The following BUD23 variants were observed in gnomAD, a reference collection of about 807,000 sequenced individuals.
The protein encoded by BUD23 is BUD23 rRNA methyltransferase and ribosome maturation factor, also known as 18S rRNA (guanine-N(7))-methyltransferase.
Under a neutral mutation model 47.0 loss-of-function variants are expected in BUD23, and 34 were observed. The observed-to-expected ratio is 0.72, with a 90% CI of 0.55 to 0.96. BUD23 has a LOEUF of 0.96. Ranked by LOEUF, BUD23 falls within the 40% of genes least tolerant of loss-of-function variation. The probability of loss-of-function intolerance (pLI) is 0.00; values close to 1 mark genes in which losing one functional copy is unlikely to be tolerated. For synonymous variants in BUD23, 124 were observed against 132.0 expected (o/e 0.94, Z 0.41); for missense variants, 343 against 361.2 (o/e 0.95, Z 0.41).
chr7:73,692,729 AT>A (rs771662068), intron 7 of BUD23, 83 bp downstream of exon 7: 3 of 1,401,374 alleles, frequency 2.1e-6, no homozygotes, highest in Non-Finnish European at 3.0e-6. Flanking sequence ...AAAGAATCTT[AT>A]GCAGATTGGC....
chr7:73,697,561 A>T (rs782438990), intron 10 of BUD23, 44 bp from the exon 11 acceptor site: 1 of 1,613,124 alleles, frequency 6.2e-7, no homozygotes, highest in South Asian at 1.1e-5. Context: ...GGGCAGCCCC[A>T]TCCATCAGCT....
At position 73,697,622 on chromosome 7, in the gene BUD23, C is replaced by G. The variant is rs143474628; in HGVS notation, c.719C>G (p.Ser240Trp). The part of the protein sequence containing the change: ...FTNERFPLRM[S>W]RRGMVRKSRA... Reference sequence around the variant, plus strand: ...CGCCACAGGTTCCCATTAAGGATGTCGAGGCGGGGAATGGTGAGGAAGAGT... The same window carrying G: ...CGCCACAGGTTCCCATTAAGGATGTGGAGGCGGGGAATGGTGAGGAAGAGT... The change falls in exon 11 of 12, where the codon TCG (serine) becomes TGG (tryptophan). Residue 240 changes from serine to tryptophan, a missense_variant. Coordinates refer to ENST00000265758, the MANE Select transcript of BUD23 (RefSeq NM_017528.5). 1.9e-6 allele frequency: 3 copies of G among 1,613,566 alleles called. No individual in the cohort carries two copies. The highest frequency in any genetic ancestry group is 1.3e-5 in the African/African-American group (1 of 75,014).
At chr7:73,684,689 G>A (rs1436163099) in intron 2 of BUD23, among the ~76,000 whole-genome samples, 1 of 150,580 alleles carries the variant, frequency 6.6e-6, no homozygotes, top group Non-Finnish European at 1.5e-5. Context: ...TTGGGAGGCT[G>A]AGGCAGACGG....
intron 5 of BUD23, among the ~76,000 whole-genome samples, chr7:73,690,469 C>T (rs1798147661): frequency 6.6e-6 from 1 of 152,022 alleles, no homozygotes; most frequent in Admixed American, 6.6e-5. Context: ...GGGCAGACAG[C>T]CTTGACACGG....
rs782232409 is a variant in BUD23 at position 73,686,792 on chromosome 7, C to T, written c.183-26C>T. 13 of 1,613,988 alleles carry T rather than the reference C, an allele frequency of 8.1e-6. No individual in the cohort carries two copies. The South Asian group carries it at 1.3e-4, about 16-fold the overall frequency. ...TGGTGAAGTGTCTTTGTAAACTGACCCTGAGTGTCTGGTCATGTCTTCCAG... is the reference window on the plus strand; with the variant it reads ...TGGTGAAGTGTCTTTGTAAACTGACTCTGAGTGTCTGGTCATGTCTTCCAG... On this transcript the variant is annotated intron_variant, in intron 3 of 11. Transcript: ENST00000265758.
At chr7:73,688,126 G>C (rs879960794) in intron 5 of BUD23, among the ~76,000 whole-genome samples, 9 of 152,058 alleles carry the variant, frequency 5.9e-5, no homozygotes, top group Non-Finnish European at 1.2e-4. Flanking sequence ...TCAATCTCCT[G>C]ACCTCATGAT....
At chr7:73,697,559 C>CAAA in intron 10 of BUD23, 46 bp from the exon 11 acceptor site, 1 of 1,613,054 alleles carries the variant, frequency 6.2e-7, no homozygotes, top group Non-Finnish European at 8.5e-7. Flanking sequence ...TCGGGCAGCC[C>CAAA]CATCCATCAG....
rs1798295663 is a variant in BUD23, at chr7:73,693,993, G to C, written c.644G>C (p.Gly215Ala). 1 of 1,612,294 alleles carries C rather than the reference G, an allele frequency of 6.2e-7. No homozygotes were observed. Among genetic ancestry groups the C allele is most frequent in the Non-Finnish European group, 8.5e-7 (1 of 1,179,590 alleles). ...CTGAGTGCACTTTGGTTCCTGCAGG[G>C]GCTGAGTGAAAATCAGGATGAAGTT... ...FSGPSTFIPE[G>A]LSENQDEVEP... Residue 215 changes from glycine (G) to alanine (A), a missense_variant and splice_region_variant, in exon 10 of 12, where the codon GGG (glycine) becomes GCG (alanine). Coordinates refer to ENST00000265758, the MANE Select transcript of BUD23 (RefSeq NM_017528.5).
Position 73,697,663 on chromosome 7 carries a change from G to A in BUD23, c.760G>A (p.Glu254Lys), listed in dbSNP as rs782594054. Reference sequence around the variant, plus strand: ...GAGGAAGAGTCGGGCATGGGTGCTGGAGAAGAAGGAGCGGCACAGGCGCCA... The same window carrying A: ...GAGGAAGAGTCGGGCATGGGTGCTGAAGAAGAAGGAGCGGCACAGGCGCCA... ...MVRKSRAWVL[E>K]KKERHRRQGR... Residue 254 changes from glutamate to lysine, a missense_variant, in exon 11 of 12, where the codon GAG becomes AAG. Physicochemically the swap from Glu to Lys is moderately conservative, Grantham distance 56 (BLOSUM62 1). Coordinates refer to ENST00000265758, the MANE Select transcript of BUD23 (RefSeq NM_017528.5). 1.2e-6 allele frequency: 2 copies of A among 1,613,720 alleles called. No homozygotes were observed. Among genetic ancestry groups the A allele is most frequent in the Admixed American group, 3.3e-5 (2 of 60,030 alleles).
At chr7:73,689,711 TG>T (rs1584219427) in intron 5 of BUD23, among the ~76,000 whole-genome samples, 1 of 152,064 alleles carries the variant, frequency 6.6e-6, no homozygotes, top group East Asian at 1.9e-4. Context: ...GGGTTGAGTG[TG>T]GTTGCTTCCT....
rs1039111700 is a variant in BUD23, at chr7:73,692,000, G to A, written c.460-596G>A. On this transcript the variant is annotated intron_variant, in intron 6 of 11. Transcript: ENST00000265758. ...TTTCCTGGGGTGGACTGCACCTGCC[G>A]ATCTGGCCACTGGTCTTTCTTGGGG... is the stretch of plus-strand genomic sequence containing the variant. Among the ~76,000 whole-genome samples the A allele has an allele frequency of 8.6e-5, 13 of 152,022 alleles. No homozygotes were observed. In the South Asian group the frequency reaches 2.7e-3, roughly 32 times the overall value.
intron 7 of BUD23, 137 bp from the exon 8 acceptor site, chr7:73,693,192 C>T (rs907983028): frequency 1.2e-5 from 9 of 769,610 alleles, no homozygotes; most frequent in Admixed American, 4.2e-5. Flanking sequence ...CTTTTCTCTA[C>T]GTGGCTTACA....
intron 10 of BUD23, chr7:73,697,090 T>C (rs1554614959): frequency 7.5e-6 from 2 of 267,366 alleles, no homozygotes; most frequent in South Asian, 4.6e-5. Context: ...CTGTCTCTGG[T>C]TTCTACGGAT....
At chr7:73,684,309 G>C (rs1797851474) in intron 2 of BUD23, among the ~76,000 whole-genome samples, 1 of 152,078 alleles carries the variant, frequency 6.6e-6, no homozygotes, top group African/African-American at 2.4e-5. Flanking sequence ...GGGAGGCTGA[G>C]GCGGGAGGAT....
intron 5 of BUD23, among the ~76,000 whole-genome samples, chr7:73,690,646 A>G (rs1361447119): frequency 6.6e-6 from 1 of 152,096 alleles, no homozygotes; most frequent in Admixed American, 6.5e-5. Context: ...TAAATTTAAA[A>G]ATACTTTAAG....
chr7:73,684,025 C>T, intron 2 of BUD23: 2 of 1,424,934 alleles, frequency 1.4e-6, no homozygotes, highest in Non-Finnish European at 9.2e-7. Context: ...GCTTGCTTTC[C>T]GTGGGTGGTT....
At chr7:73,684,528 G>C (rs1339750743) in intron 2 of BUD23, among the ~76,000 whole-genome samples, 2 of 149,362 alleles carry the variant, frequency 1.3e-5, no homozygotes, top group African/African-American at 4.9e-5. Context: ...CCAAGCCCAG[G>C]GCTCAAGCGA....
At chr7:73,691,436 T>A (rs1798191347) in intron 6 of BUD23, among the ~76,000 whole-genome samples, 1 of 152,142 alleles carries the variant, frequency 6.6e-6, no homozygotes, top group Non-Finnish European at 1.5e-5. Context: ...TCCTCACTTA[T>A]CCCTCCTCCT....
intron 5 of BUD23, among the ~76,000 whole-genome samples, chr7:73,690,158 C>T (rs1194629755): frequency 2.6e-5 from 4 of 152,182 alleles, no homozygotes; most frequent in Admixed American, 2.6e-4. Flanking sequence ...GCACATGCCA[C>T]CAAGCCCAGC....
Sources: allele counts gnomAD v4.1 joint callset (sites outside exome capture counted in the v4.1 genomes callset), GRCh38; gene constraint gnomAD v4.1.1; transcripts MANE v1.5; gene names NCBI Gene and HGNC (gene_info 2026-07-23, HGNC 2026-07-21).